The following KCNQ3 variants were observed in gnomAD, a reference collection of about 807,000 sequenced individuals.
The protein encoded by KCNQ3 is potassium voltage-gated channel subfamily KQT member 3.
KCNQ3 carries 30 observed loss-of-function variants against 92.5 expected under a neutral mutation model. The observed-to-expected ratio is 0.32, with a 90% CI of 0.24 to 0.44. The LOEUF (loss-of-function observed/expected upper bound fraction) is 0.44. Ranked by LOEUF, KCNQ3 falls within the 20% of genes least tolerant of loss-of-function variation. The pLI is 1.00. For missense variants in KCNQ3, 913 were observed against 1,140.3 expected (o/e 0.80, Z 2.87); for synonymous variants, 450 against 468.8 (o/e 0.96, Z 0.52).
rs1164773143 is a variant in KCNQ3 at position 132,224,081 on chromosome 8, A to ATTTTTTTTTTTTTTTTTTTTTT, written c.387-37922_387-37901dup. 2.0e-4 allele frequency among the ~76,000 whole-genome samples: 8 copies of ATTTTTTTTTTTTTTTTTTTTTT among 39,474 alleles called. 1 individual carries two copies. The highest frequency in any genetic ancestry group is 3.3e-4 in the Admixed American group (1 of 2,992). 25.9% of individuals were successfully genotyped at this position (39,474 alleles called of 152,430 possible). ...CAGACACACACCATCATGCCAGGCT[A>ATTTTTTTTTTTTTTTTTTTTTT]TTTTTTTTTTTTTTTTTTTTTTTTT... On this transcript the variant is annotated intron_variant, in intron 1 of 14. Transcript: ENST00000388996.
At position 132,174,166 on chromosome 8, in the gene KCNQ3, A is replaced by T. The variant is rs1294703055; in HGVS notation, c.1044+73T>A. The T allele has an allele frequency of 6.7e-6, 7 of 1,037,960 alleles. No homozygotes were observed. The East Asian group carries it at 1.8e-4, about 27-fold the overall frequency. 64.3% of individuals were successfully genotyped at this position (1,037,960 alleles called of 1,614,324 possible). On this transcript the variant is annotated intron_variant, in intron 6 of 14. Transcript: ENST00000388996. The stretch of plus-strand genomic sequence containing the variant: ...TAAGAGGATAGAAGATGACACTGGA[A>T]AGTTGAGCTGGCACCAGGCGGTAAG...
chr8:132,140,374 A>C, intron 10 of KCNQ3, 196 bp from the exon 11 acceptor site: 2 of 568,142 alleles, frequency 3.5e-6, no homozygotes, highest in Admixed American at 3.2e-5. Context: ...TCTATTACCC[A>C]GAAGTCCAAG....
At chr8:132,437,746 G>A (rs1168679843) in intron 1 of KCNQ3, among the ~76,000 whole-genome samples, 3 of 152,112 alleles carry the variant, frequency 2.0e-5, no homozygotes, top group African/African-American at 7.2e-5. Context: ...GAAGCCATCC[G>A]TGATGCTGTC....
chr8:132,360,108 C>A (rs1162989865), intron 1 of KCNQ3, among the ~76,000 whole-genome samples: 14 of 152,174 alleles, frequency 9.2e-5, no homozygotes, highest in Admixed American at 9.2e-4. Flanking sequence ...GGTCAATGAC[C>A]AAACTCCCTT....
intron 1 of KCNQ3, among the ~76,000 whole-genome samples, chr8:132,467,019 C>T (rs1359703397): frequency 6.6e-6 from 1 of 152,194 alleles, no homozygotes; most frequent in African/African-American, 2.4e-5. Flanking sequence ...GCACTCATCC[C>T]CACACTCTGT....
chr8:132,399,726 T>C (rs1016454005), intron 1 of KCNQ3, among the ~76,000 whole-genome samples: 3 of 152,190 alleles, frequency 2.0e-5, no homozygotes, highest in South Asian at 2.1e-4. Context: ...GGTGAGATAC[T>C]TGAAGAGAAG....
At chr8:132,181,870 G>C (rs1265920470) in intron 3 of KCNQ3, among the ~76,000 whole-genome samples, 1 of 151,808 alleles carries the variant, frequency 6.6e-6, no homozygotes, top group Non-Finnish European at 1.5e-5. Context: ...TGGATAACAT[G>C]TCTCTACTAA....
chr8:132,233,060 A>G (rs1170329049), intron 1 of KCNQ3, among the ~76,000 whole-genome samples: 2 of 152,190 alleles, frequency 1.3e-5, no homozygotes, highest in Non-Finnish European at 2.9e-5. Flanking sequence ...GCCACGTGAG[A>G]AAAATAAAAT....
chr8:132,268,808 C>T (rs1816067243), intron 1 of KCNQ3, among the ~76,000 whole-genome samples: 1 of 152,180 alleles, frequency 6.6e-6, no homozygotes, highest in African/African-American at 2.4e-5. Context: ...AACTGTCAAA[C>T]TGTCTTCCAC....
chr8:132,466,749 T>C (rs1170509603), intron 1 of KCNQ3, among the ~76,000 whole-genome samples: 1 of 152,220 alleles, frequency 6.6e-6, no homozygotes, highest in Non-Finnish European at 1.5e-5. Flanking sequence ...TCTGGGAGGA[T>C]AGAGTGAAAA....
intron 1 of KCNQ3, among the ~76,000 whole-genome samples, chr8:132,452,062 G>A (rs776571443): frequency 1.2e-4 from 19 of 152,036 alleles, no homozygotes; most frequent in Admixed American, 2.6e-4. Flanking sequence ...TGGGTTTTTC[G>A]TTTGTTTGTC....
At chr8:132,451,544 T>C (rs968348571) in intron 1 of KCNQ3, among the ~76,000 whole-genome samples, 1 of 152,200 alleles carries the variant, frequency 6.6e-6, no homozygotes, top group African/African-American at 2.4e-5. Context: ...AATCAGTAGG[T>C]GCTCACTAAA....
intron 1 of KCNQ3, among the ~76,000 whole-genome samples, chr8:132,434,225 A>AAATAAT (rs1224196497): frequency 1.3e-4 from 18 of 136,766 alleles, no homozygotes; most frequent in East Asian, 2.2e-4. Flanking sequence ...AAAAAAAAAA[A>AAATAAT]AATAATAATA....
chr8:132,325,210 A>G (rs1818008775), intron 1 of KCNQ3, among the ~76,000 whole-genome samples: 4 of 152,006 alleles, frequency 2.6e-5, no homozygotes, highest in Admixed American at 2.6e-4. Context: ...AGGAAAGAAA[A>G]CCACCTAATC....
intron 1 of KCNQ3, among the ~76,000 whole-genome samples, chr8:132,234,692 A>T (rs1380041773): frequency 6.6e-6 from 1 of 152,240 alleles, no homozygotes; most frequent in African/African-American, 2.4e-5. Context: ...ACTAAGGCTC[A>T]GACCAATTAA....
At chr8:132,452,342 G>A (rs2130850622) in intron 1 of KCNQ3, among the ~76,000 whole-genome samples, 1 of 152,300 alleles carries the variant, frequency 6.6e-6, no homozygotes, top group Middle Eastern at 3.4e-3. Context: ...GAGCCATGCA[G>A]TATTTTTCCT....
rs1170211195 is a variant in KCNQ3, at chr8:132,370,069, T to C, written c.386+110078A>G. On this transcript the variant is annotated intron_variant, in intron 1 of 14. Coordinates refer to ENST00000388996, the MANE Select transcript of KCNQ3 (RefSeq NM_004519.4). ...TGTCTCCTAGCCTGGCTGACTCTTA[T>C]ATTGTGACTCTCAGCACTCTATCTA... is the stretch of plus-strand genomic sequence containing the variant. Among the ~76,000 whole-genome samples the C allele has an allele frequency of 3.9e-5, 6 of 152,182 alleles. 1 individual carries two copies. Among genetic ancestry groups the C allele is most frequent in the Admixed American group, 3.9e-4 (6 of 15,280 alleles).
At chr8:132,174,095 G>A in intron 6 of KCNQ3, 144 bp downstream of exon 6, 3 of 703,018 alleles carry the variant, frequency 4.3e-6, no homozygotes, top group Non-Finnish European at 7.8e-6. Context: ...TGGCAAAAAG[G>A]CAGGATCATC....
At chr8:132,373,240 G>A (rs1434009560) in intron 1 of KCNQ3, among the ~76,000 whole-genome samples, 1 of 135,972 alleles carries the variant, frequency 7.4e-6, no homozygotes, top group South Asian at 2.4e-4. Context: ...ACCAGAGAGA[G>A]AGCCCTGGAG....
Sources: gnomAD v4.1 joint callset for allele counts (sites outside exome capture counted in the v4.1 genomes callset) on GRCh38, gnomAD v4.1.1 for gene constraint, MANE v1.5 for transcripts, NCBI Gene and HGNC (gene_info 2026-07-23, HGNC 2026-07-21) for gene names.